The following ENGASE variants were observed in gnomAD, a reference collection of about 807,000 sequenced individuals.
The protein encoded by ENGASE is cytosolic endo-beta-N-acetylglucosaminidase.
ENGASE carries 69 observed loss-of-function variants against 78.5 expected under a neutral mutation model. The observed-to-expected ratio is 0.88, with a 90% CI of 0.72 to 1.07. The LOEUF is 1.07. Ranked by LOEUF, ENGASE falls within the 50% of genes least tolerant of loss-of-function variation. The pLI is 0.00. For missense variants in ENGASE, 943 were observed against 988.4 expected, an observed-to-expected ratio of 0.95 and a Z score of 0.62; for synonymous variants, 408 against 408.9, an observed-to-expected ratio of 1.00 and a Z score of 0.03.
intron 7 of ENGASE, 171 bp downstream of exon 7, chr17:79,082,234 A>G (rs2073162856): frequency 1.3e-6 from 2 of 1,545,392 alleles, no homozygotes; most frequent in East Asian, 2.4e-5. Flanking sequence ...CGGCCAAGCT[A>G]TGTCCCCACT....
At position 79,085,282 on chromosome 17, in the gene ENGASE, C is replaced by T. The variant is rs749940788; in HGVS notation, c.1640C>T (p.Thr547Ile). The T allele has an allele frequency of 2.8e-5, 45 of 1,613,486 alleles. 2 individuals carry two copies. The South Asian group carries it at 4.8e-4, about 17-fold the overall frequency. Residue 547 changes from threonine to isoleucine, a missense_variant, in exon 12 of 14, where the codon ACC (threonine) becomes ATC (isoleucine). Thr to Ile is a moderately conservative substitution (Grantham distance 89). Transcript: ENST00000579016. ...HSLRPLRVPP[T>I]KLARWVGRCG... Reference sequence around the variant, plus strand: ...CTCCGACCCCTCCGGGTGCCCCCCACCAAGCTGGCCAGATGGGTGGGCCGC... The same window carrying T: ...CTCCGACCCCTCCGGGTGCCCCCCATCAAGCTGGCCAGATGGGTGGGCCGC...
chr17:79,074,876 C>A lies in ENGASE; in HGVS notation c.-69C>A. On this transcript the variant is annotated 5_prime_UTR_variant, in exon 1 of 14. Coordinates refer to ENST00000579016, the MANE Select transcript of ENGASE (RefSeq NM_001042573.3). ...CGCGGCGTCAGCGCTGCGCACTTCC[C>A]ATTGGCCGAGCGCGGCGCGGGGGCG... The A allele has an allele frequency of 8.1e-7, 1 of 1,228,302 alleles. No homozygotes were observed. The highest frequency in any genetic ancestry group is 3.9e-5 in the South Asian group (1 of 25,888). The allele number at this position is 1,228,302 out of a possible 1,614,324, so 76.1% of individuals were successfully genotyped here. A position where few individuals can be genotyped will look rare whatever the true frequency, so the allele number is the denominator to read the frequency against.
Position 79,083,134 on chromosome 17 carries a change from C to G in ENGASE, c.1142+11C>G. On this transcript the variant is annotated intron_variant, in intron 8 of 13. Transcript: ENST00000579016. The surrounding 1 kb of genome is among the most constrained non-coding windows in gnomAD (Gnocchi z 4.9). The stretch of plus-strand genomic sequence containing the variant: ...CCAGAACCAGGACAAGTGAGTCCTG[C>G]TGTCCTGGGTGCTTAGTGCAGGCTG... 6.3e-7 allele frequency: 1 copy of G among 1,585,362 alleles called. No homozygotes were observed. The highest frequency in any genetic ancestry group is 8.7e-7 in the Non-Finnish European group (1 of 1,154,676).
Position 79,086,676 on chromosome 17 carries a change from A to G in ENGASE, c.*327A>G, listed in dbSNP as rs12943511. 24,488 of 453,320 alleles carry G rather than the reference A, an allele frequency of 0.054. 776 individuals carry two copies. The highest frequency in any genetic ancestry group is 0.062 in the Middle Eastern group (97 of 1,566). The allele number at this position is 453,320 out of a possible 1,614,324, so 28.1% of individuals were successfully genotyped here. On this transcript the variant is annotated 3_prime_UTR_variant, in exon 14 of 14. Coordinates refer to ENST00000579016, the MANE Select transcript of ENGASE (RefSeq NM_001042573.3). The stretch of plus-strand genomic sequence containing the variant: ...TTGAGAACAGAACATTCCATAAAGG[A>G]TATTTCCTAATAGGCTGCAAGATGC...
At chr17:79,077,973 AG>A (rs1283110459) in intron 3 of ENGASE, 109 bp downstream of exon 3, 9 of 1,161,692 alleles carry the variant, frequency 7.7e-6, no homozygotes, top group Admixed American at 2.4e-5. Flanking sequence ...CTGGGCGGGG[AG>A]TCAGGAGACG....
rs760777164 is a variant in ENGASE, at chr17:79,081,032, T to A, written c.831T>A (p.Ser277Arg). The A allele has an allele frequency of 6.5e-7, 1 of 1,540,922 alleles. No individual in the cohort carries two copies. Among genetic ancestry groups the A allele is most frequent in the Admixed American group, 1.8e-5 (1 of 56,630 alleles). ...TCTGGTATGACAGCGTGGTGCAAAG[T>A]GGGCAGCTCAAATGGCAAGACGAAC... is the stretch of plus-strand genomic sequence containing the variant. ...LVLWYDSVVQ[S>R]GQLKWQDELN... is the part of the protein sequence containing the mutation. The change falls in exon 6 of 14, where the codon AGT becomes AGA. Residue 277 changes from serine (S) to arginine (R), a missense_variant. By Grantham distance (110) the Ser-to-Arg change is moderately radical. Transcript: ENST00000579016.
intron 4 of ENGASE, 97 bp downstream of exon 4, chr17:79,079,734 A>G: frequency 1.3e-6 from 2 of 1,502,420 alleles, no homozygotes; most frequent in Non-Finnish European, 1.8e-6. Context: ...CCTGCTTCTC[A>G]GTGCCCAGAG....
intron 1 of ENGASE, chr17:79,075,969 G>C (rs2072958600): frequency 3.2e-5 from 29 of 909,442 alleles, no homozygotes; most frequent in Non-Finnish European, 3.2e-5. Context: ...ACGAGGAAGG[G>C]GGCTTTGGAA....
At chr17:79,084,446 C>T in intron 10 of ENGASE, 92 bp from the exon 11 acceptor site, 1 of 1,336,906 alleles carries the variant, frequency 7.5e-7, no homozygotes, top group Non-Finnish European at 1.0e-6. Flanking sequence ...CCCCCTGTTC[C>T]TGGAGGGAGG....
chr17:79,080,854 A>G (rs199540197), intron 5 of ENGASE, 71 bp from the exon 6 acceptor site: 206 of 1,528,516 alleles, frequency 1.3e-4, no homozygotes, highest in Admixed American at 3.8e-4. Flanking sequence ...CTGTCTGTCC[A>G]GCGCTGGATA....
chr17:79,085,251 C>T lies in ENGASE; in HGVS notation c.1609C>T (p.His537Tyr), dbSNP rs2073260841. Residue 537 changes from histidine to tyrosine, a missense_variant, in exon 12 of 14, where the codon CAC becomes TAC. Coordinates refer to ENST00000579016, the MANE Select transcript of ENGASE (RefSeq NM_001042573.3). ...TTCTGCAGCAGAAACAAGCTCAAGACACAGCCTCCGACCCCTCCGGGTGCC... is the reference window on the plus strand; with the variant it reads ...TTCTGCAGCAGAAACAAGCTCAAGATACAGCCTCCGACCCCTCCGGGTGCC... ...SVLNAETSSRHSLRPLRVPPT... is the reference protein window; with the variant it reads ...SVLNAETSSRYSLRPLRVPPT... 6.2e-7 allele frequency: 1 copy of T among 1,613,538 alleles called. No homozygotes were observed. The highest frequency in any genetic ancestry group is 1.3e-5 in the African/African-American group (1 of 75,070).
chr17:79,082,070 G>A lies in ENGASE; in HGVS notation c.1038+7G>A. On this transcript the variant is annotated splice_region_variant and intron_variant, in intron 7 of 13. Coordinates refer to ENST00000579016, the MANE Select transcript of ENGASE (RefSeq NM_001042573.3). ...CCGATTCGACACAGACAAGGTGGGT[G>A]GTGGCTTTCGTCCAAGGGCCAGCGG... 6.2e-7 allele frequency: 1 copy of A among 1,614,182 alleles called. No individual in the cohort carries two copies. Among genetic ancestry groups the A allele is most frequent in the Non-Finnish European group, 8.5e-7 (1 of 1,180,014 alleles).
intron 2 of ENGASE, 45 bp from the exon 3 acceptor site, chr17:79,077,618 A>T (rs771658552): frequency 6.2e-7 from 1 of 1,609,156 alleles, no homozygotes; most frequent in South Asian, 1.1e-5. Flanking sequence ...GATTAATCCT[A>T]TAATAGTTTC....
At chr17:79,076,016 T>C (rs922522762) in intron 1 of ENGASE, 30 of 519,242 alleles carry the variant, frequency 5.8e-5, no homozygotes, top group Non-Finnish European at 2.0e-5. Flanking sequence ...GCATCTCTGC[T>C]TGAATCCGTC....
At chr17:79,079,399 C>A in intron 3 of ENGASE, 90 bp from the exon 4 acceptor site, 1 of 1,457,776 alleles carries the variant, frequency 6.9e-7, no homozygotes, top group Non-Finnish European at 9.3e-7. Flanking sequence ...AACTCCTGGG[C>A]TCAAGTGATC....
Position 79,085,958 on chromosome 17 carries a change from C to G in ENGASE, c.1841C>G (p.Ala614Gly), listed in dbSNP as rs758216448. The change falls in exon 14 of 14, where the codon GCC becomes GGC. Residue 614 changes from alanine to glycine, a missense_variant. By Grantham distance (60) the Ala-to-Gly change is moderately conservative. Transcript: ENST00000579016. ...GTGGTGGACGCTGCCAGCCTGCTGGCCCCTCTGCCCCAGGTGCAGGCCGTC... is the reference window on the plus strand; with the variant it reads ...GTGGTGGACGCTGCCAGCCTGCTGGGCCCTCTGCCCCAGGTGCAGGCCGTC... Reference protein sequence around the residue: ...IQVVDAASLLAPLPQVQAVTI... With the variant: ...IQVVDAASLLGPLPQVQAVTI... The G allele has an allele frequency of 1.2e-6, 2 of 1,602,188 alleles. No homozygotes were observed. The highest frequency in any genetic ancestry group is 1.7e-6 in the Non-Finnish European group (2 of 1,177,742).
At position 79,083,535 on chromosome 17, in the gene ENGASE, C is replaced by T. The variant is rs2073205388; in HGVS notation, c.1196C>T (p.Pro399Leu). ...YLPTHSICSLPFVTSFCLGMG... is the reference protein window; with the variant it reads ...YLPTHSICSLLFVTSFCLGMG... The stretch of plus-strand genomic sequence containing the variant: ...CCCACACATAGCATCTGCTCCTTGC[C>T]TTTCGTCACGTCCTTCTGCCTGGGC... The change falls in exon 9 of 14, where the codon CCT becomes CTT. Residue 399 changes from proline (P) to leucine (L), a missense_variant. By Grantham distance (98) the Pro-to-Leu change is moderately conservative. Coordinates refer to ENST00000579016, the MANE Select transcript of ENGASE (RefSeq NM_001042573.3). The surrounding 1 kb of genome is among the most constrained non-coding windows in gnomAD (Gnocchi z 4.9). The T allele has an allele frequency of 2.5e-6, 4 of 1,614,224 alleles. 1 individual carries two copies. The highest frequency in any genetic ancestry group is 1.3e-5 in the African/African-American group (1 of 75,072).
Position 79,086,495 on chromosome 17 carries a change from G to A in ENGASE, c.*146G>A. On this transcript the variant is annotated 3_prime_UTR_variant, in exon 14 of 14. Transcript: ENST00000579016. The stretch of plus-strand genomic sequence containing the variant: ...GCTGGGGTGGGAGACCCCGGGCTGA[G>A]TGCTGTGGCTTTCTGGTGGGGGGCG... 1 of 975,798 alleles carries A rather than the reference G, an allele frequency of 1.0e-6. No individual in the cohort carries two copies. The highest frequency in any genetic ancestry group is 1.5e-6 in the Non-Finnish European group (1 of 681,488). 60.4% of individuals were successfully genotyped at this position (975,798 alleles called of 1,614,324 possible).
intron 7 of ENGASE, 76 bp from the exon 8 acceptor site, chr17:79,082,944 A>G (rs1599344356): frequency 5.0e-6 from 8 of 1,585,380 alleles, no homozygotes; most frequent in Admixed American, 1.7e-5. Context: ...GAGAGCCCCA[A>G]CCCACGTCAC....
Sources: allele counts gnomAD v4.1 joint callset, GRCh38; gene constraint gnomAD v4.1.1; non-coding constraint Gnocchi (gnomAD v3.1); transcripts MANE v1.5; gene names NCBI Gene and HGNC (gene_info 2026-07-23, HGNC 2026-07-21).